ARID1B: variants seen among roughly 807,000 people sequenced by gnomAD.
The protein encoded by ARID1B is AT-rich interaction domain 1B, also known as AT-rich interactive domain-containing protein 1B.
Under a neutral mutation model 212.3 loss-of-function variants are expected in ARID1B, and 30 were observed. The observed-to-expected ratio is 0.14, with a 90% confidence interval of 0.11 to 0.19. The LOEUF (loss-of-function observed/expected upper bound fraction) is 0.19. ARID1B is among the 10% of genes least tolerant of loss of function. The pLI, the probability that ARID1B is intolerant of heterozygous loss-of-function variation, is 1.00. For synonymous variants in ARID1B, 1,402 were observed against 1,301.7 expected (o/e 1.08, Z -1.66); for missense variants, 2,891 against 3,204.0 (o/e 0.90, Z 2.36).
intron 4 of ARID1B, among the ~76,000 whole-genome samples, chr6:156,981,761 A>T (rs6557515): frequency 0.26 from 39,436 of 152,022 alleles, 5,949 homozygotes; most frequent in African/African-American, 0.4. Context: ...TTATACTGTA[A>T]TACTATAATA....
intron 2 of ARID1B, among the ~76,000 whole-genome samples, chr6:156,859,218 A>G (rs1200022175): frequency 6.6e-6 from 1 of 152,032 alleles, no homozygotes; most frequent in Non-Finnish European, 1.5e-5. Context: ...GGTTCACGCC[A>G]TTTTCCTGCC....
rs891320281 is a variant in ARID1B, at chr6:156,962,551, G to A, written c.2247+26975G>A. Among the ~76,000 whole-genome samples the A allele has an allele frequency of 1.1e-4, 17 of 152,064 alleles. No individual in the cohort carries two copies. The East Asian group carries it at 3.3e-3, about 30-fold the overall frequency. ...GTAGCACAATCACAGCTTAATCACAGCACAATCACAGCTCACCGCTTCCCG... is the reference window on the plus strand; with the variant it reads ...GTAGCACAATCACAGCTTAATCACAACACAATCACAGCTCACCGCTTCCCG... On this transcript the variant is annotated intron_variant, in intron 4 of 19. Transcript: ENST00000636930.
intron 4 of ARID1B, among the ~76,000 whole-genome samples, chr6:157,039,678 C>CTTCCTTCCTTCTTTCTTTCTTTCTTTCT (rs1781645860): frequency 1.2e-5 from 1 of 85,864 alleles, no homozygotes; most frequent in African/African-American, 4.5e-5. Context: ...TCCTTCCTTC[C>CTTCCTTCCTTCTTTCTTTCTTTCTTTCT]TTCCTTCCTT....
At chr6:156,949,721 C>A (rs931693453) in intron 4 of ARID1B, among the ~76,000 whole-genome samples, 2 of 152,216 alleles carry the variant, frequency 1.3e-5, no homozygotes, top group African/African-American at 4.8e-5. Flanking sequence ...CATTTTATTT[C>A]ATGTTCCTCA....
At position 156,944,901 on chromosome 6, in the gene ARID1B, C is replaced by A. The variant is rs60815806; in HGVS notation, c.2247+9325C>A. ...CTCCTGCATCCCCTGCAAGCTTTTT[C>A]TTCTTCTTCTTCTTTTTCTTTTCCT... On this transcript the variant is annotated intron_variant, in intron 4 of 19. Transcript: ENST00000636930. Among the ~76,000 whole-genome samples, 383 of 150,890 alleles carry A rather than the reference C, an allele frequency of 2.5e-3. 2 individuals are homozygous for A. The highest frequency in any genetic ancestry group is 8.4e-3 in the African/African-American group (344 of 41,096).
At chr6:157,189,613 C>T (rs1583479357) in intron 13 of ARID1B, 29 bp from the exon 14 acceptor site, 1 of 1,576,658 alleles carries the variant, frequency 6.3e-7, no homozygotes, top group Non-Finnish European at 8.6e-7. Flanking sequence ...TGGATTTCTT[C>T]CTGTTTCTCT....
intron 4 of ARID1B, among the ~76,000 whole-genome samples, chr6:156,970,915 G>A (rs561270742): frequency 1.3e-5 from 2 of 152,204 alleles, no homozygotes; most frequent in Non-Finnish European, 2.9e-5. Context: ...TGCTGTTTGC[G>A]TGAAAGTATA....
At chr6:157,205,435 T>C (rs1408834728) in intron 19 of ARID1B, 1 of 152,226 alleles carries the variant, frequency 6.6e-6, no homozygotes, top group Non-Finnish European at 1.5e-5. Context: ...GTACAGTTGC[T>C]TAAAGGAAAC....
intron 4 of ARID1B, among the ~76,000 whole-genome samples, chr6:157,054,359 A>C (rs1402824212): frequency 2.6e-5 from 4 of 152,222 alleles, no homozygotes; most frequent in Non-Finnish European, 5.9e-5. Flanking sequence ...TTTCCTTAGC[A>C]TCTTTTAATG....
At chr6:156,786,094 A>C (rs1205544464) in intron 1 of ARID1B, among the ~76,000 whole-genome samples, 1 of 152,162 alleles carries the variant, frequency 6.6e-6, no homozygotes, top group Non-Finnish European at 1.5e-5. Context: ...TACCATTCTC[A>C]CTTTTCCCTT....
At chr6:156,780,516 A>C (rs1779180759) in intron 1 of ARID1B, 1 of 152,300 alleles carries the variant, frequency 6.6e-6, no homozygotes, top group African/African-American at 2.4e-5. Flanking sequence ...AATAGTCTCC[A>C]GACAGCTGCC....
intron 3 of ARID1B, among the ~76,000 whole-genome samples, chr6:156,920,512 C>G (rs886285757): frequency 8.6e-5 from 13 of 151,716 alleles, no homozygotes; most frequent in African/African-American, 3.1e-4. Flanking sequence ...TCATCAGTTT[C>G]TTTGATTTTT....
intron 7 of ARID1B, among the ~76,000 whole-genome samples, chr6:157,141,844 A>C (rs1172322133): frequency 1.3e-5 from 2 of 152,232 alleles, no homozygotes; most frequent in East Asian, 3.8e-4. Flanking sequence ...ATATATACAA[A>C]ATAGTACAGC....
rs187435411 is a variant in ARID1B at position 157,085,446 on chromosome 6, G to A, written c.2491+541G>A. On this transcript the variant is annotated intron_variant, in intron 5 of 19. Coordinates refer to ENST00000636930, the MANE Select transcript of ARID1B (RefSeq NM_001374828.1). Reference sequence around the variant, plus strand: ...TTGGACACAAGGAGCCCATGTTCTGGTTAACTCTGTGTTCATTTATTTCAC... The same window carrying A: ...TTGGACACAAGGAGCCCATGTTCTGATTAACTCTGTGTTCATTTATTTCAC... Among the ~76,000 whole-genome samples the A allele has an allele frequency of 5.7e-3, 868 of 152,208 alleles. 8 individuals carry two copies. Among genetic ancestry groups the A allele is most frequent in the African/African-American group, 0.02 (841 of 41,516 alleles).
chr6:157,187,951 G>A (rs561412429), intron 13 of ARID1B, among the ~76,000 whole-genome samples: 1 of 152,322 alleles, frequency 6.6e-6, no homozygotes, highest in Non-Finnish European at 1.5e-5. Flanking sequence ...CACTAGGCGG[G>A]CAACCATGTC....
chr6:156,781,605 T>C (rs1779271801), intron 1 of ARID1B, among the ~76,000 whole-genome samples: 1 of 152,130 alleles, frequency 6.6e-6, no homozygotes, highest in Non-Finnish European at 1.5e-5. Context: ...GGCTGAACAC[T>C]GCTGTCCACT....
intron 4 of ARID1B, among the ~76,000 whole-genome samples, chr6:156,993,101 G>T (rs771436866): frequency 6.7e-6 from 1 of 149,052 alleles, no homozygotes; most frequent in Non-Finnish European, 1.5e-5. Flanking sequence ...GGAGTACAGT[G>T]GCATGATCTC....
At chr6:157,193,379 C>A (rs577428691) in intron 15 of ARID1B, 1 of 152,176 alleles carries the variant, frequency 6.6e-6, no homozygotes, top group South Asian at 2.1e-4. Flanking sequence ...TTTTAGTTTA[C>A]TGAGTATCTC....
At chr6:156,938,955 A>G (rs1792465654) in intron 4 of ARID1B, 1 of 152,198 alleles carries the variant, frequency 6.6e-6, no homozygotes. Flanking sequence ...TGATAAATTA[A>G]TAACTTGTTC....
Sources: allele counts gnomAD v4.1 joint callset (sites outside exome capture counted in the v4.1 genomes callset), GRCh38; gene constraint gnomAD v4.1.1; transcripts MANE v1.5; gene names NCBI Gene and HGNC (gene_info 2026-07-23, HGNC 2026-07-21).